NAP1L4: variants seen among roughly 807,000 people sequenced by gnomAD.
NAP1L4 encodes the protein nucleosome assembly protein 1-like 4.
Under a neutral mutation model 58.2 loss-of-function variants are expected in NAP1L4, and 15 were observed. The ratio of observed to expected loss-of-function variants is 0.26; its 90% CI spans 0.17 to 0.40. The LOEUF is 0.40. NAP1L4 is among the 10% of genes least tolerant of loss of function. The probability of loss-of-function intolerance (pLI) is 1.00; values close to 1 mark genes in which losing one functional copy is unlikely to be tolerated. For synonymous variants in NAP1L4, 171 were observed against 155.6 expected (o/e 1.10, Z -0.74); for missense variants, 384 against 451.1 (o/e 0.85, Z 1.35).
intron 4 of NAP1L4, among the ~76,000 whole-genome samples, chr11:2,972,547 C>T (rs575436572): frequency 1.8e-4 from 28 of 152,266 alleles, no homozygotes; most frequent in Non-Finnish European, 3.2e-4. Context: ...ACCAAATTGG[C>T]AATTAAAAAC....
intron 1 of NAP1L4, among the ~76,000 whole-genome samples, chr11:2,984,166 CAAAA>C (rs35188952): frequency 6.9e-3 from 557 of 80,514 alleles, no homozygotes; most frequent in East Asian, 0.014. Context: ...GACCCTGCCT[CAAAA>C]AAAAAAAAAA....
At position 2,959,678 on chromosome 11, in the gene NAP1L4, A is replaced by G. The variant is rs1343958648; in HGVS notation, c.746+92T>C. On this transcript the variant is annotated intron_variant, in intron 9 of 15. Coordinates refer to ENST00000380542, the MANE Select transcript of NAP1L4 (RefSeq NM_005969.4). The surrounding 1 kb of genome is among the most constrained non-coding windows in gnomAD (Gnocchi z 4.9). ...GGCTTTTAAGCAGACTCAAGACTGT[A>G]CTTTATTCCTTACTTCTATCTTACC... 6.8e-7 allele frequency: 1 copy of G among 1,465,412 alleles called. No individual in the cohort carries two copies. Among genetic ancestry groups the G allele is most frequent in the Non-Finnish European group, 9.4e-7 (1 of 1,065,322 alleles). The allele number at this position is 1,465,412 out of a possible 1,614,324, so 90.8% of individuals were successfully genotyped here. A position where few individuals can be genotyped will look rare whatever the true frequency, so the allele number is the denominator to read the frequency against.
intron 1 of NAP1L4, among the ~76,000 whole-genome samples, chr11:2,980,634 C>T (rs943720344): frequency 3.9e-5 from 6 of 152,152 alleles, no homozygotes; most frequent in African/African-American, 1.4e-4. Context: ...CCTCGCTAAA[C>T]GGTTGTTCCA....
In NAP1L4 at chr11:2,978,286, G is replaced by C. The variant is rs757704505; in HGVS notation, c.71C>G (p.Thr24Arg). Reference sequence around the variant, plus strand: ...CTCTCCATGTGCAGTGGACTGACCTGTGTTACTTGCATTTTTAGCAGCTTC... The same window carrying C: ...CTCTCCATGTGCAGTGGACTGACCTCTGTTACTTGCATTTTTAGCAGCTTC... ...SVEAAKNASNTEKLTDQVMQN... is the reference protein window; with the variant it reads ...SVEAAKNASNREKLTDQVMQN... Residue 24 changes from threonine to arginine, a missense_variant and splice_region_variant, in exon 3 of 16, where the codon ACA (threonine) becomes AGA (arginine). Physicochemically the swap from Thr to Arg is moderately conservative, Grantham distance 71. Coordinates refer to ENST00000380542, the MANE Select transcript of NAP1L4 (RefSeq NM_005969.4). 1.2e-6 allele frequency: 2 copies of C among 1,613,828 alleles called. No homozygotes were observed. The highest frequency in any genetic ancestry group is 2.7e-5 in the African/African-American group (2 of 74,918).
intron 8 of NAP1L4, among the ~76,000 whole-genome samples, chr11:2,962,006 G>A (rs984578234): frequency 2.6e-5 from 4 of 152,282 alleles, no homozygotes; most frequent in African/African-American, 7.2e-5. Flanking sequence ...ACGCACTACA[G>A]CCAGGTAAGC....
In NAP1L4 at chr11:2,954,282, A is replaced by G. The variant is rs747714696; in HGVS notation, c.1035+245T>C. The G allele has an allele frequency of 8.5e-6, 5 of 589,362 alleles. No individual in the cohort carries two copies. Among genetic ancestry groups the G allele is most frequent in the Admixed American group, 2.9e-5 (1 of 34,502 alleles). The allele number at this position is 589,362 out of a possible 1,614,324, so 36.5% of individuals were successfully genotyped here. A position where few individuals can be genotyped will look rare whatever the true frequency, so the allele number is the denominator to read the frequency against. The stretch of plus-strand genomic sequence containing the variant: ...TGTTGAGTCACTAGGCAGGGCTCAC[A>G]TAGGAAACTGGCAATCACCTCTGAA... On this transcript the variant is annotated intron_variant, in intron 12 of 15. Transcript: ENST00000380542. The surrounding 1 kb of genome is among the most constrained non-coding windows in gnomAD (Gnocchi z 4.8).
chr11:2,958,085 C>A, intron 10 of NAP1L4: 5 of 514,526 alleles, frequency 9.7e-6, no homozygotes, highest in South Asian at 7.7e-5. Flanking sequence ...GGAAGCAGCC[C>A]AGGTGCAAAT....
intron 2 of NAP1L4, among the ~76,000 whole-genome samples, chr11:2,978,561 A>G (rs1483353904): frequency 3.3e-5 from 5 of 152,168 alleles, no homozygotes. Flanking sequence ...TCCCAAACAT[A>G]AAGCCCTACA....
chr11:2,952,044 C>T (rs1039491575), intron 12 of NAP1L4: 2 of 601,900 alleles, frequency 3.3e-6, no homozygotes, highest in African/African-American at 3.7e-5. Flanking sequence ...GGAAGCTGGT[C>T]AGCCAGGGTG....
At chr11:2,978,433 G>A in intron 2 of NAP1L4, 91 bp from the exon 3 acceptor site, 1 of 1,222,318 alleles carries the variant, frequency 8.2e-7, no homozygotes, top group South Asian at 1.3e-5. Context: ...AATATATTAA[G>A]AGGTATCTGT....
At chr11:2,950,747 T>G (rs1218017889) in intron 14 of NAP1L4, among the ~76,000 whole-genome samples, 9 of 152,214 alleles carry the variant, frequency 5.9e-5, no homozygotes, top group Non-Finnish European at 1.2e-4. Context: ...TCAGTTTTCT[T>G]TAGTAAACCT....
Position 2,954,819 on chromosome 11 carries a change from T to C in NAP1L4, c.916-173A>G. The C allele has an allele frequency of 1.3e-6, 1 of 776,600 alleles. No homozygotes were observed. The highest frequency in any genetic ancestry group is 2.1e-6 in the Non-Finnish European group (1 of 482,298). 48.1% of individuals were successfully genotyped at this position (776,600 alleles called of 1,614,324 possible). ...ACTCAAAGCCCCTTTAAAACAACTTTAAGTAGCTTTAAAGAGCTACTGAAG... is the reference window on the plus strand; with the variant it reads ...ACTCAAAGCCCCTTTAAAACAACTTCAAGTAGCTTTAAAGAGCTACTGAAG... On this transcript the variant is annotated intron_variant, in intron 11 of 15. Coordinates refer to ENST00000380542, the MANE Select transcript of NAP1L4 (RefSeq NM_005969.4). The surrounding 1 kb of genome is among the most constrained non-coding windows in gnomAD (Gnocchi z 4.8).
At position 2,954,575 on chromosome 11, in the gene NAP1L4, C is replaced by T. The variant is rs1486058539; in HGVS notation, c.987G>A (p.Pro329=). The T allele has an allele frequency of 5.0e-6, 8 of 1,614,060 alleles. No homozygotes were observed. Among genetic ancestry groups the T allele is most frequent in the African/African-American group, 2.7e-5 (2 of 74,916 alleles). The change falls in exon 12 of 16, where the codon CCG becomes CCA. Residue 329 remains proline (P), a synonymous_variant. Transcript: ENST00000380542. This position sits in a 1 kb window ranked among gnomAD's most constrained non-coding sequence, Gnocchi z 4.8. ...CCCCAGTGAAGTACAGCACAGCCCG[C>T]GGGACTATCCGCTCACGGAAAAAGT... is the stretch of plus-strand genomic sequence containing the variant. ...IGHFFRERIV[P]RAVLYFTGEA... is the part of the protein sequence containing the mutation.
rs1224984760 is a variant in NAP1L4, at chr11:2,972,115, G to A, written c.302C>T (p.Pro101Leu). The change falls in exon 5 of 16, where the codon CCT (proline) becomes CTT (leucine). Residue 101 changes from proline to leucine, a missense_variant. Coordinates refer to ENST00000380542, the MANE Select transcript of NAP1L4 (RefSeq NM_005969.4). ...LERKYAALYQ[P>L]LFDKRREFIT... The stretch of plus-strand genomic sequence containing the variant: ...AGAGCTCCCTACCTTGTCAAAGAGA[G>A]GCTGGTATAGCGCTGCATACTTTCT... The A allele has an allele frequency of 1.9e-6, 3 of 1,566,288 alleles. No individual in the cohort carries two copies. Among genetic ancestry groups the A allele is most frequent in the Non-Finnish European group, 2.6e-6 (3 of 1,164,180 alleles).
In NAP1L4 at chr11:2,954,323, C is replaced by T; in HGVS notation, c.1035+204G>A. The T allele has an allele frequency of 1.3e-6, 1 of 746,152 alleles. No homozygotes were observed. The highest frequency in any genetic ancestry group is 2.2e-6 in the Non-Finnish European group (1 of 449,200). 46.2% of individuals were successfully genotyped at this position (746,152 alleles called of 1,614,324 possible). On this transcript the variant is annotated intron_variant, in intron 12 of 15. Transcript: ENST00000380542. This position sits in a 1 kb window ranked among gnomAD's most constrained non-coding sequence, Gnocchi z 4.8. ...CACCTCTGAAACTGCTTCACAGACA[C>T]CTGCTTTTCCTGCTCTGTTCCTCAG...
chr11:2,953,533 T>C (rs556691894), intron 12 of NAP1L4, among the ~76,000 whole-genome samples: 100 of 152,360 alleles, frequency 6.6e-4, no homozygotes, highest in African/African-American at 2.4e-3. Flanking sequence ...GGTCTAGAAT[T>C]TGTAAAACTA....
At chr11:2,966,554 C>T (rs993196538) in intron 7 of NAP1L4, among the ~76,000 whole-genome samples, 1 of 152,094 alleles carries the variant, frequency 6.6e-6, no homozygotes. Flanking sequence ...CCTGATTTTC[C>T]GTTGAGTCCT....
intron 7 of NAP1L4, among the ~76,000 whole-genome samples, chr11:2,965,136 A>G (rs1847185017): frequency 2.0e-5 from 3 of 152,356 alleles, no homozygotes; most frequent in South Asian, 2.1e-4. Flanking sequence ...CTCTGAGGAG[A>G]AAGAGCAGAA....
At position 2,979,245 on chromosome 11, in the gene NAP1L4, T is replaced by G. The variant is rs758403049; in HGVS notation, c.-17-8A>C. 1.6e-5 allele frequency: 25 copies of G among 1,600,336 alleles called. No homozygotes were observed. The highest frequency in any genetic ancestry group is 2.0e-5 in the Non-Finnish European group (24 of 1,171,360). On this transcript the variant is annotated splice_region_variant and splice_polypyrimidine_tract_variant and intron_variant, in intron 1 of 15. Transcript: ENST00000380542. ...TCTGAATGTTTTTATCCCCTATAAA[T>G]TAAAAAGAGTTGTAATAATTATATT... is the stretch of plus-strand genomic sequence containing the variant.
Sources: gnomAD v4.1 joint callset for allele counts (sites outside exome capture counted in the v4.1 genomes callset) on GRCh38, gnomAD v4.1.1 for gene constraint, Gnocchi (gnomAD v3.1) non-coding constraint, MANE v1.5 for transcripts, NCBI Gene and HGNC (gene_info 2026-07-23, HGNC 2026-07-21) for gene names.